DTHD1: variants seen among roughly 807,000 people sequenced by gnomAD.
The protein encoded by DTHD1 is death domain containing 1, also known as death domain-containing protein 1.
DTHD1 carries 59 observed loss-of-function variants against 74.8 expected under a neutral mutation model. That is an observed-to-expected ratio of 0.79 (90% CI 0.64 to 0.98). The LOEUF (loss-of-function observed/expected upper bound fraction) is 0.98. Ranked by LOEUF, DTHD1 falls within the 50% of genes least tolerant of loss-of-function variation. The pLI, the probability that DTHD1 is intolerant of heterozygous loss-of-function variation, is 0.00. For synonymous variants in DTHD1, 365 were observed against 371.1 expected, an observed-to-expected ratio of 0.98 and a Z score of 0.19; for missense variants, 1,051 against 1,065.4, an observed-to-expected ratio of 0.99 and a Z score of 0.19.
rs536209551 is a variant in DTHD1 at position 36,307,609 on chromosome 4, C to G, written c.1806-595C>G. ...TGAGACACAATGCAATTCCTACCAA[C>G]GTCCATCCTAACGATCCTTCCCACC... On this transcript the variant is annotated intron_variant, in intron 6 of 9. Transcript: ENST00000639862. 3.3e-5 allele frequency among the ~76,000 whole-genome samples: 5 copies of G among 152,286 alleles called. No individual in the cohort carries two copies. In the South Asian group the frequency reaches 1.0e-3, roughly 32 times the overall value.
chr4:36,316,304 C>G lies in DTHD1; in HGVS notation c.2158C>G (p.Leu720Val), dbSNP rs1757726624. 2 of 1,551,870 alleles carry G rather than the reference C, an allele frequency of 1.3e-6. No individual in the cohort carries two copies. The highest frequency in any genetic ancestry group is 2.0e-5 in the Admixed American group (1 of 51,008). Reference sequence around the variant, plus strand: ...TTTTCACTTGCAAAGAAAACCTAGGCTGGAACTCCAAATCAAAGAAGTGGA... The same window carrying G: ...TTTTCACTTGCAAAGAAAACCTAGGGTGGAACTCCAAATCAAAGAAGTGGA... ...LIFHLQRKPR[L>V]ELQIKEVDEF... is the part of the protein sequence containing the mutation. Residue 720 changes from leucine to valine, a missense_variant, in exon 8 of 10, where the codon CTG (leucine) becomes GTG (valine). Coordinates refer to ENST00000639862, the MANE Select transcript of DTHD1 (RefSeq NM_001170700.3).
rs1759435103 is a variant in DTHD1 at position 36,343,528 on chromosome 4, T to C, written c.2425T>C (p.Trp809Arg). The C allele has an allele frequency of 6.4e-7, 1 of 1,551,450 alleles. No individual in the cohort carries two copies. The highest frequency in any genetic ancestry group is 1.4e-5 in the African/African-American group (1 of 73,134). The change falls in exon 10 of 10, where the codon TGG (tryptophan) becomes CGG (arginine). Residue 809 changes from tryptophan (W) to arginine (R), a missense_variant. By Grantham distance (101) the Trp-to-Arg change is moderately radical. Transcript: ENST00000639862. ...VEALWDNLLH[W>R]LAEELSEENA... ...AGCCCTTTGGGATAACTTGCTCCAT[T>C]GGCTGGCTGAGGAGCTCTCAGAAGA...
intron 9 of DTHD1, among the ~76,000 whole-genome samples, chr4:36,340,053 A>T (rs1759232361): frequency 6.6e-6 from 1 of 152,236 alleles, no homozygotes; most frequent in African/African-American, 2.4e-5. Context: ...ACTGGAGAAT[A>T]CAAAGGTAGA....
chr4:36,321,978 G>C (rs1339220310), intron 8 of DTHD1, among the ~76,000 whole-genome samples: 1 of 151,982 alleles, frequency 6.6e-6, no homozygotes, highest in Non-Finnish European at 1.5e-5. Flanking sequence ...TCTTCCATCA[G>C]ATATCTGCAT....
Position 36,284,144 on chromosome 4 carries a change from T to C in DTHD1, c.440T>C (p.Ile147Thr). Reference protein sequence around the residue: ...SSIQDTKAADIAARGELNVIE... With the variant: ...SSIQDTKAADTAARGELNVIE... The stretch of plus-strand genomic sequence containing the variant: ...ATTCAAGATACCAAAGCAGCAGACA[T>C]TGCTGCAAGAGGGGAACTAAATGTC... The change falls in exon 2 of 10, where the codon ATT (isoleucine) becomes ACT (threonine). Residue 147 changes from isoleucine to threonine, a missense_variant. Physicochemically the swap from Ile to Thr is moderately conservative, Grantham distance 89. Coordinates refer to ENST00000639862, the MANE Select transcript of DTHD1 (RefSeq NM_001170700.3). The C allele has an allele frequency of 2.6e-6, 4 of 1,537,178 alleles. No homozygotes were observed. Among genetic ancestry groups the C allele is most frequent in the Non-Finnish European group, 3.5e-6 (4 of 1,146,858 alleles).
intron 8 of DTHD1, among the ~76,000 whole-genome samples, chr4:36,332,422 G>C (rs80024168): frequency 0.012 from 1,841 of 152,170 alleles, 26 homozygotes; most frequent in African/African-American, 0.042. Context: ...TATGTTTGCT[G>C]TGCTTCCTAT....
At chr4:36,343,274 A>G (rs1036078653) in intron 9 of DTHD1, among the ~76,000 whole-genome samples, 1 of 152,212 alleles carries the variant, frequency 6.6e-6, no homozygotes, top group African/African-American at 2.4e-5. Context: ...TTAAAATTTC[A>G]TAAGCATTTA....
At chr4:36,301,850 A>G (rs1028004189) in intron 5 of DTHD1, among the ~76,000 whole-genome samples, 1 of 151,996 alleles carries the variant, frequency 6.6e-6, no homozygotes, top group Non-Finnish European at 1.5e-5. Flanking sequence ...GTTGGGTTTA[A>G]GTGGATATTC....
Position 36,345,253 on chromosome 4 carries a change from C to T in DTHD1, c.*1429C>T, listed in dbSNP as rs1227877679. ...AAAAAATTAAAACTTATCTAAACCCCTCTTTCTATTGATAATCGCTATTAA... is the reference window on the plus strand; with the variant it reads ...AAAAAATTAAAACTTATCTAAACCCTTCTTTCTATTGATAATCGCTATTAA... On this transcript the variant is annotated 3_prime_UTR_variant, in exon 10 of 10. Transcript: ENST00000639862. 5.9e-5 allele frequency: 9 copies of T among 152,232 alleles called. No individual in the cohort carries two copies. Among genetic ancestry groups the T allele is most frequent in the Admixed American group, 2.0e-4 (3 of 15,282 alleles). The allele number at this position is 152,232 out of a possible 1,614,324, so 9.4% of individuals were successfully genotyped here.
At position 36,284,386 on chromosome 4, in the gene DTHD1, AC is replaced by A; in HGVS notation, c.683del (p.Thr228MetfsTer5). ...AGATGATAAACAAATAGAACACATG[AC>A]TGTTGAGAACATAAATGGCAACAGG... Reference protein sequence around the residue: ...NEDDKQIEHMTVENINGNREE... With the variant: ...NEDDKQIEHMXVENINGNREE... On this transcript the variant is annotated frameshift_variant, in exon 2 of 10. Transcript: ENST00000639862. LOFTEE classifies it high-confidence loss of function. 6.5e-7 allele frequency: 1 copy of A among 1,537,162 alleles called. No homozygotes were observed. Among genetic ancestry groups the A allele is most frequent in the Non-Finnish European group, 8.7e-7 (1 of 1,146,846 alleles).
chr4:36,341,856 AG>A (rs1484355942), intron 9 of DTHD1, among the ~76,000 whole-genome samples: 4 of 152,220 alleles, frequency 2.6e-5, no homozygotes, highest in Non-Finnish European at 4.4e-5. Flanking sequence ...GGGGACACCA[AG>A]GGATCACTAT....
At chr4:36,306,981 A>G (rs1757092591) in intron 6 of DTHD1, among the ~76,000 whole-genome samples, 2 of 152,162 alleles carry the variant, frequency 1.3e-5, no homozygotes, top group African/African-American at 4.8e-5. Context: ...GATGGAAAAA[A>G]CCATGGTTTC....
intron 8 of DTHD1, among the ~76,000 whole-genome samples, chr4:36,335,907 G>T (rs1170104597): frequency 1.3e-5 from 2 of 152,258 alleles, no homozygotes; most frequent in African/African-American, 2.4e-5. Flanking sequence ...CCTAATGACA[G>T]TGGCTATAAA....
chr4:36,282,629 G>A (rs552213950), intron 1 of DTHD1, among the ~76,000 whole-genome samples: 83 of 152,230 alleles, frequency 5.5e-4, no homozygotes, highest in African/African-American at 1.9e-3. Flanking sequence ...CAGGAAGAAT[G>A]TGGAATCTGA....
intron 5 of DTHD1, among the ~76,000 whole-genome samples, chr4:36,297,027 A>G (rs1756455689): frequency 6.6e-6 from 1 of 152,258 alleles, no homozygotes; most frequent in Admixed American, 6.5e-5. Flanking sequence ...AAGCTAGAGA[A>G]AAGAAAACGT....
intron 7 of DTHD1, among the ~76,000 whole-genome samples, chr4:36,308,797 C>T (rs1336004097): frequency 6.6e-6 from 1 of 152,112 alleles, no homozygotes; most frequent in Non-Finnish European, 1.5e-5. Flanking sequence ...GTAAAGTTGC[C>T]TTCTAAGTGC....
chr4:36,322,191 C>T (rs1758071183), intron 8 of DTHD1, among the ~76,000 whole-genome samples: 1 of 151,800 alleles, frequency 6.6e-6, no homozygotes, highest in Non-Finnish European at 1.5e-5. Context: ...CAGAAAAACC[C>T]TCTCTTCCAT....
chr4:36,342,976 T>C (rs1759404873), intron 9 of DTHD1, among the ~76,000 whole-genome samples: 1 of 147,902 alleles, frequency 6.8e-6, no homozygotes, highest in Non-Finnish European at 1.5e-5. Context: ...TAATCCCAGC[T>C]ACTCAGAAGT....
intron 5 of DTHD1, among the ~76,000 whole-genome samples, chr4:36,300,199 C>T (rs534186094): frequency 3.6e-4 from 55 of 152,270 alleles, no homozygotes; most frequent in African/African-American, 1.1e-3. Flanking sequence ...AGCATGCAGA[C>T]GTGGGGTTTC....
Sources: gnomAD v4.1 joint callset for allele counts (sites outside exome capture counted in the v4.1 genomes callset) on GRCh38, gnomAD v4.1.1 for gene constraint, MANE v1.5 for transcripts, NCBI Gene and HGNC (gene_info 2026-07-23, HGNC 2026-07-21) for gene names.